RPS6KA2: variants seen among roughly 807,000 people sequenced by gnomAD.
RPS6KA2 encodes the protein ribosomal protein S6 kinase A2.
A neutral mutation model predicts 91.8 loss-of-function variants in RPS6KA2; 42 were observed. The observed-to-expected ratio is 0.46, with a 90% CI of 0.36 to 0.59. The LOEUF (loss-of-function observed/expected upper bound fraction) is 0.59, where lower values mean the gene tolerates loss of function less well. Ranked by LOEUF, RPS6KA2 falls within the 20% of genes least tolerant of loss-of-function variation. The pLI is 0.00. For synonymous variants in RPS6KA2, 414 were observed against 393.6 expected (o/e 1.05, Z -0.61); for missense variants, 798 against 978.5 (o/e 0.82, Z 2.46).
At chr6:166,727,292 T>C (rs748376247) in intron 2 of RPS6KA2, among the ~76,000 whole-genome samples, 23 of 151,310 alleles carry the variant, frequency 1.5e-4, no homozygotes, top group Non-Finnish European at 2.5e-4. Context: ...TCGCATCTTA[T>C]AATTATAGAT....
intron 2 of RPS6KA2, among the ~76,000 whole-genome samples, chr6:166,844,216 A>T (rs1327043772): frequency 6.6e-6 from 1 of 152,160 alleles, no homozygotes; most frequent in Non-Finnish European, 1.5e-5. Context: ...CAATGCATCA[A>T]AGACAAAGAA....
chr6:166,657,741 G>T (rs1245557680), intron 2 of RPS6KA2, among the ~76,000 whole-genome samples: 1 of 152,210 alleles, frequency 6.6e-6, no homozygotes, highest in African/African-American at 2.4e-5. Context: ...TGCCTCAGAG[G>T]TGCAGGCAGA....
rs375439540 is a variant in RPS6KA2 at position 166,666,439 on chromosome 6, A to G, written c.124-127655T>C. Among the ~76,000 whole-genome samples the G allele has an allele frequency of 3.7e-3, 568 of 152,332 alleles. 5 individuals are homozygous for G. Among genetic ancestry groups the G allele is most frequent in the African/African-American group, 0.012 (518 of 41,570 alleles). On this transcript the variant is annotated intron_variant, in intron 2 of 21. Transcript: ENST00000503859. The surrounding 1 kb of genome is among the most constrained non-coding windows in gnomAD (Gnocchi z 4.0). Reference sequence around the variant, plus strand: ...AAATGCTGTTATGTGTTGTTTATAAAATATAAGGATAATTTCACCAAAGAA... The same window carrying G: ...AAATGCTGTTATGTGTTGTTTATAAGATATAAGGATAATTTCACCAAAGAA...
chr6:166,692,561 A>T (rs1400861612), intron 2 of RPS6KA2, among the ~76,000 whole-genome samples: 2 of 152,214 alleles, frequency 1.3e-5, no homozygotes, highest in African/African-American at 4.8e-5. Context: ...ATAAACAAGG[A>T]CAGAAAACAT....
At chr6:166,699,757 T>C (rs16900973) in intron 2 of RPS6KA2, among the ~76,000 whole-genome samples, 11,433 of 152,270 alleles carry the variant, frequency 0.075, 558 homozygotes, top group African/African-American at 0.12. Context: ...CAAAAACTTG[T>C]CTTGTATTCT....
At chr6:166,575,224 C>A (rs2128512053) in intron 1 of RPS6KA2, among the ~76,000 whole-genome samples, 1 of 152,320 alleles carries the variant, frequency 6.6e-6, no homozygotes, top group East Asian at 1.9e-4. Context: ...TGAATAACTA[C>A]AATGATTCAT....
chr6:166,729,104 G>A (rs1790434772), intron 2 of RPS6KA2, among the ~76,000 whole-genome samples: 1 of 152,150 alleles, frequency 6.6e-6, no homozygotes, highest in African/African-American at 2.4e-5. Context: ...GCTCCCTCTA[G>A]CCCTCCTGCC....
At chr6:166,562,012 G>A (rs542963813) in intron 1 of RPS6KA2, among the ~76,000 whole-genome samples, 207 of 152,242 alleles carry the variant, frequency 1.4e-3, no homozygotes, top group South Asian at 7.1e-3. Flanking sequence ...CAAAGCAGGC[G>A]GAGAGGGAGG....
In RPS6KA2 at chr6:166,770,730, G is replaced by T. The variant is rs557839451; in HGVS notation, c.123+87470C>A. 2.4e-6 allele frequency: 2 copies of T among 827,768 alleles called. No individual in the cohort carries two copies. Among genetic ancestry groups the T allele is most frequent in the Admixed American group, 5.4e-5 (2 of 37,126 alleles). 51.3% of individuals were successfully genotyped at this position (827,768 alleles called of 1,614,324 possible). ...TGGTCCAGCCTTCTAAAAGCTCTTCGCACCTTGCCTTGCTGGACTCCGGGC... is the reference window on the plus strand; with the variant it reads ...TGGTCCAGCCTTCTAAAAGCTCTTCTCACCTTGCCTTGCTGGACTCCGGGC... On this transcript the variant is annotated intron_variant, in intron 2 of 21. Coordinates refer to the RPS6KA2 transcript ENST00000503859. This position sits in a 1 kb window ranked among gnomAD's most constrained non-coding sequence, Gnocchi z 5.1.
intron 2 of RPS6KA2, among the ~76,000 whole-genome samples, chr6:166,697,125 A>C (rs934323187): frequency 9.9e-5 from 15 of 152,132 alleles, no homozygotes; most frequent in African/African-American, 3.6e-4. Flanking sequence ...ACAAATATAG[A>C]TATAGATACA....
At chr6:166,602,440 C>T (rs1487179178) in intron 1 of RPS6KA2, among the ~76,000 whole-genome samples, 2 of 152,192 alleles carry the variant, frequency 1.3e-5, no homozygotes, top group Non-Finnish European at 2.9e-5. Context: ...GCACTGCTCT[C>T]AGAAACACCA....
At chr6:166,528,446 G>C (rs1336484735) in intron 3 of RPS6KA2, among the ~76,000 whole-genome samples, 1 of 151,666 alleles carries the variant, frequency 6.6e-6, no homozygotes, top group Admixed American at 6.6e-5. Context: ...TTAAATGTTA[G>C]ACCTAAAACC....
chr6:166,759,595 T>C (rs945775301), intron 2 of RPS6KA2, among the ~76,000 whole-genome samples: 1 of 152,392 alleles, frequency 6.6e-6, no homozygotes, highest in Non-Finnish European at 1.5e-5. Context: ...GACTTCTCTC[T>C]GTGAAATCAT....
intron 10 of RPS6KA2, among the ~76,000 whole-genome samples, chr6:166,482,492 C>T (rs1407896974): frequency 1.3e-5 from 2 of 152,208 alleles, no homozygotes; most frequent in South Asian, 2.1e-4. Flanking sequence ...GGACAGGTAT[C>T]TGTGCTCCGA....
chr6:166,588,527 A>T (rs1214583528), intron 1 of RPS6KA2, among the ~76,000 whole-genome samples: 1 of 152,144 alleles, frequency 6.6e-6, no homozygotes, highest in Non-Finnish European at 1.5e-5. Flanking sequence ...AACTTGCAGC[A>T]CGTCGCTGAG....
At chr6:166,757,734 C>A in intron 2 of RPS6KA2, 2 of 334,974 alleles carry the variant, frequency 6.0e-6, no homozygotes, top group Non-Finnish European at 1.2e-5. Context: ...CCTCACCCCT[C>A]TCCAGGCAGC....
chr6:166,652,739 T>C (rs2128554681), intron 2 of RPS6KA2, among the ~76,000 whole-genome samples: 1 of 152,274 alleles, frequency 6.6e-6, no homozygotes, highest in East Asian at 1.9e-4. Context: ...CCAGAGATCA[T>C]GGAAGAGATG....
At position 166,494,265 on chromosome 6, in the gene RPS6KA2, C is replaced by T. The variant is rs9348142; in HGVS notation, c.748-3524G>A. The stretch of plus-strand genomic sequence containing the variant: ...CCTCTAATCCGAGCTGCTCTCGCTC[C>T]GTGTGCTGCACCCCACTCCGAGTGC... On this transcript the variant is annotated intron_variant, in intron 8 of 20. Coordinates refer to ENST00000265678, the MANE Select transcript of RPS6KA2 (RefSeq NM_021135.6). This position sits in a 1 kb window ranked among gnomAD's most constrained non-coding sequence, Gnocchi z 5.1. 0.025 allele frequency among the ~76,000 whole-genome samples: 3,838 copies of T among 152,182 alleles called. 85 individuals carry two copies. Among genetic ancestry groups the T allele is most frequent in the African/African-American group, 0.052 (2,161 of 41,516 alleles).
At position 166,539,177 on chromosome 6, in the gene RPS6KA2, C is replaced by G. The variant is rs1252267373; in HGVS notation, c.100-393G>C. 2.0e-5 allele frequency among the ~76,000 whole-genome samples: 3 copies of G among 152,306 alleles called. No homozygotes were observed. The East Asian group carries it at 5.8e-4, about 29-fold the overall frequency. Reference sequence around the variant, plus strand: ...TCGCGATCCACCTGCCTCGGCCTCCCAAAGTGCTGGGGTTACAGGCGTGAG... The same window carrying G: ...TCGCGATCCACCTGCCTCGGCCTCCGAAAGTGCTGGGGTTACAGGCGTGAG... On this transcript the variant is annotated intron_variant, in intron 1 of 20. Coordinates refer to ENST00000265678, the MANE Select transcript of RPS6KA2 (RefSeq NM_021135.6).
Sources: gnomAD v4.1 joint callset for allele counts (sites outside exome capture counted in the v4.1 genomes callset) on GRCh38, gnomAD v4.1.1 for gene constraint, Gnocchi (gnomAD v3.1) non-coding constraint, MANE v1.5 for transcripts, NCBI Gene and HGNC (gene_info 2026-07-23, HGNC 2026-07-21) for gene names.